The following BRAP variants were observed in gnomAD, a reference collection of about 807,000 sequenced individuals.
BRAP encodes BRCA1 associated protein, also known as BRCA1-associated protein.
Under a neutral mutation model 73.4 loss-of-function variants are expected in BRAP, and 42 were observed. That is an observed-to-expected ratio of 0.57 (90% confidence interval 0.45 to 0.74). The LOEUF (loss-of-function observed/expected upper bound fraction) is 0.74, where lower values mean the gene tolerates loss of function less well. BRAP is among the 30% of genes least tolerant of loss of function. The probability of loss-of-function intolerance (pLI) is 0.00; values close to 1 mark genes in which losing one functional copy is unlikely to be tolerated. For synonymous variants in BRAP, 255 were observed against 267.4 expected (o/e 0.95, Z 0.45); for missense variants, 593 against 751.4 (o/e 0.79, Z 2.46).
intron 1 of BRAP, among the ~76,000 whole-genome samples, chr12:111,684,660 TAA>T (rs764055248): frequency 2.6e-5 from 4 of 151,620 alleles, no homozygotes; most frequent in Non-Finnish European, 5.9e-5. Flanking sequence ...GATATGAGCA[TAA>T]GTTTTTTTTT....
intron 4 of BRAP, among the ~76,000 whole-genome samples, chr12:111,676,717 A>G (rs1289429998): frequency 6.6e-6 from 1 of 152,096 alleles, no homozygotes; most frequent in Non-Finnish European, 1.5e-5. Context: ...CACCTGGCCA[A>G]CATGGCATCG....
At chr12:111,674,950 C>T (rs919142734) in intron 4 of BRAP, among the ~76,000 whole-genome samples, 4 of 152,164 alleles carry the variant, frequency 2.6e-5, no homozygotes, top group Admixed American at 2.6e-4. Context: ...GGGTCTAGAG[C>T]TCTGCAAATG....
Position 111,644,523 on chromosome 12 carries a change from G to A in BRAP, c.1455C>T (p.Asn485=), listed in dbSNP as rs746444571. 7.4e-6 allele frequency: 12 copies of A among 1,613,884 alleles called. No individual in the cohort carries two copies. In the East Asian group the frequency reaches 1.8e-4, roughly 24 times the overall value. The change falls in exon 12 of 12, where the codon AAC becomes AAT. Residue 485 remains asparagine, a synonymous_variant. Transcript: ENST00000419234. ...TCATTTCCTGCTCCTCTTTGAGCTC[G>A]TTGGTGAGTTTGGCCACTTTTGTGT... The part of the protein sequence containing the change: ...QLNTKVAKLT[N]ELKEEQEMNK...
chr12:111,685,765 A>G lies in BRAP; in HGVS notation c.28T>C (p.Leu10=). Residue 10 remains leucine, a synonymous_variant, in exon 1 of 12, where the codon TTG becomes CTG. Coordinates refer to ENST00000419234, the MANE Select transcript of BRAP (RefSeq NM_006768.5). MSVSLVVIR[L]ELAEHSPVPA... ...ACAGGCGAGTGTTCCGCGAGCTCCA[A>G]TCGGATAACAACCAGTGACACACTC... is the stretch of plus-strand genomic sequence containing the variant. 1 of 1,609,546 alleles carries G rather than the reference A, an allele frequency of 6.2e-7. No homozygotes were observed. Among genetic ancestry groups the G allele is most frequent in the Non-Finnish European group, 8.5e-7 (1 of 1,178,282 alleles).
intron 3 of BRAP, among the ~76,000 whole-genome samples, chr12:111,680,305 C>T (rs1017216749): frequency 1.3e-5 from 2 of 151,976 alleles, no homozygotes; most frequent in Middle Eastern, 3.2e-3. Flanking sequence ...GGAAGTGTTA[C>T]CAAGTTGAGA....
At position 111,665,820 on chromosome 12, in the gene BRAP, T is replaced by TC. The variant is rs1886918206; in HGVS notation, c.748-34dup. 6.2e-7 allele frequency: 1 copy of TC among 1,612,848 alleles called. No homozygotes were observed. Among genetic ancestry groups the TC allele is most frequent in the Non-Finnish European group, 8.5e-7 (1 of 1,179,016 alleles). On this transcript the variant is annotated intron_variant, in intron 5 of 11. Coordinates refer to ENST00000419234, the MANE Select transcript of BRAP (RefSeq NM_006768.5). The surrounding 1 kb of genome is among the most constrained non-coding windows in gnomAD (Gnocchi z 4.3). ...AAACACCTCACATAAGCCTCACTCT[T>TC]CATCTACCAGCAATACTTTATTTTT... is the stretch of plus-strand genomic sequence containing the variant.
chr12:111,659,842 C>A (rs1315938810), intron 7 of BRAP, among the ~76,000 whole-genome samples: 2 of 151,972 alleles, frequency 1.3e-5, no homozygotes, highest in Non-Finnish European at 2.9e-5. Flanking sequence ...CATAGCAAGA[C>A]CCCAACTCTA....
chr12:111,648,385 G>A (rs1313074937), intron 11 of BRAP, among the ~76,000 whole-genome samples: 4 of 136,596 alleles, frequency 2.9e-5, no homozygotes, highest in African/African-American at 5.5e-5. Context: ...AGGCCAAAGC[G>A]GGTGGATCAT....
chr12:111,670,156 T>G, intron 5 of BRAP: 1 of 616,340 alleles, frequency 1.6e-6, no homozygotes, highest in Non-Finnish European at 3.2e-6. Flanking sequence ...GTCATCCAAC[T>G]AAGGCAAATC....
Position 111,672,676 on chromosome 12 carries a change from C to T in BRAP, c.732G>A (p.Val244=). 1 of 1,612,318 alleles carries T rather than the reference C, an allele frequency of 6.2e-7. No homozygotes were observed. The highest frequency in any genetic ancestry group is 8.5e-7 in the Non-Finnish European group (1 of 1,179,142). ...TCACACTTACATCTTCAGATTTGAG[C>T]ACTTCAGCTCTTTCCACATACACTA... The part of the protein sequence containing the change: ...CQLVYVERAE[V]LKSEDGASLP... The change falls in exon 5 of 12, where the codon GTG becomes GTA. Residue 244 remains valine (V), a synonymous_variant. Coordinates refer to ENST00000419234, the MANE Select transcript of BRAP (RefSeq NM_006768.5).
intron 1 of BRAP, among the ~76,000 whole-genome samples, chr12:111,685,429 A>G (rs1030345656): frequency 6.6e-6 from 1 of 152,216 alleles, no homozygotes; most frequent in African/African-American, 2.4e-5. Context: ...AGCAAGTGAG[A>G]CAAACACACC....
intron 11 of BRAP, among the ~76,000 whole-genome samples, chr12:111,646,858 T>C (rs1886129806): frequency 2.0e-5 from 3 of 152,222 alleles, no homozygotes; most frequent in Admixed American, 6.5e-5. Context: ...AGAATAGATA[T>C]ACTCAGGATT....
At chr12:111,647,991 C>T (rs1281585495) in intron 11 of BRAP, among the ~76,000 whole-genome samples, 1 of 151,932 alleles carries the variant, frequency 6.6e-6, no homozygotes, top group Non-Finnish European at 1.5e-5. Context: ...TCACCTGAGC[C>T]TAGGGAGGTG....
intron 10 of BRAP, among the ~76,000 whole-genome samples, chr12:111,650,897 T>A (rs906584515): frequency 2.0e-4 from 30 of 152,138 alleles, no homozygotes; most frequent in Non-Finnish European, 3.5e-4. Flanking sequence ...CTTAAAAACA[T>A]AAGAGAATTA....
rs1379213975 is a variant in BRAP, at chr12:111,644,358, C to T, written c.1620G>A (p.Leu540=). 6.2e-7 allele frequency: 1 copy of T among 1,613,896 alleles called. No homozygotes were observed. Among genetic ancestry groups the T allele is most frequent in the South Asian group, 1.1e-5 (1 of 91,038 alleles). The change falls in exon 12 of 12, where the codon CTG becomes CTA. Residue 540 remains leucine (L), a synonymous_variant. Transcript: ENST00000419234. The stretch of plus-strand genomic sequence containing the variant: ...GATGGTTGATCTTCTGCTGTGTCTC[C>T]AGGTAGAACATGACGTCACGCAGCT... The part of the protein sequence containing the change: ...QEQLRDVMFY[L]ETQQKINHLP...
intron 1 of BRAP, 163 bp downstream of exon 1, chr12:111,685,548 C>G: frequency 1.5e-6 from 2 of 1,342,182 alleles, no homozygotes; most frequent in Admixed American, 3.3e-5. Context: ...AACGGGAAGG[C>G]CTCTCAAAGG....
rs748432305 is a variant in BRAP, at chr12:111,650,021, A to G, written c.1333T>C (p.Phe445Leu). The G allele has an allele frequency of 3.1e-6, 5 of 1,609,078 alleles. No homozygotes were observed. Among genetic ancestry groups the G allele is most frequent in the Non-Finnish European group, 4.3e-6 (5 of 1,176,156 alleles). Reference sequence around the variant, plus strand: ...TCACACTTCTCAATTGTTTCTTTAAACTTGGTCTTCATGTTGTTAATCTGA... The same window carrying G: ...TCACACTTCTCAATTGTTTCTTTAAGCTTGGTCTTCATGTTGTTAATCTGA... ...AEEINNMKTK[F>L]KETIEKCDNL... Residue 445 changes from phenylalanine to leucine, a missense_variant, in exon 11 of 12, where the codon TTT (phenylalanine) becomes CTT (leucine). Around this residue, in one of 4 missense-constraint regions of BRAP, gnomAD observed 143 missense variants for 190.4 expected, o/e 0.75. Transcript: ENST00000419234.
intron 4 of BRAP, among the ~76,000 whole-genome samples, chr12:111,677,076 G>A (rs1211249162): frequency 6.6e-6 from 1 of 152,116 alleles, no homozygotes; most frequent in South Asian, 2.1e-4. Context: ...ACAAGGGGAA[G>A]GATAGTGCAG....
In BRAP at chr12:111,644,493, C is replaced by T. The variant is rs370119257; in HGVS notation, c.1485G>A (p.Lys495=). 48 of 1,614,062 alleles carry T rather than the reference C, an allele frequency of 3.0e-5. No individual in the cohort carries two copies. The highest frequency in any genetic ancestry group is 3.6e-5 in the Non-Finnish European group (43 of 1,180,046). ...NELKEEQEMN[K]CLRANQVLLQ... ...GGAGGACTTGGTTGGCTCGCAAACA[C>T]TTGTTCATTTCCTGCTCCTCTTTGA... Residue 495 remains lysine (K), a synonymous_variant, in exon 12 of 12, where the codon AAG becomes AAA. Transcript: ENST00000419234.
Sources: gnomAD v4.1 joint callset for allele counts (sites outside exome capture counted in the v4.1 genomes callset) on GRCh38, gnomAD v4.1.1 for gene constraint, gnomAD v4.1.1 regional missense constraint, Gnocchi (gnomAD v3.1) non-coding constraint, MANE v1.5 for transcripts, NCBI Gene and HGNC (gene_info 2026-07-23, HGNC 2026-07-21) for gene names.